ATP7B: variants seen among roughly 807,000 people sequenced by gnomAD.
The protein encoded by ATP7B is ATPase copper transporting beta.
Under a neutral mutation model 118.9 loss-of-function variants are expected in ATP7B, and 113 were observed. The ratio of observed to expected loss-of-function variants is 0.95; its 90% CI spans 0.82 to 1.11. ATP7B has a LOEUF of 1.11. Among genes scored for constraint, ATP7B ranks in the 50% most tolerant of loss-of-function variants. ATP7B has a pLI of 0.00. For synonymous variants in ATP7B, 777 were observed against 727.4 expected (o/e 1.07, Z -1.10); for missense variants, 1,867 against 1,871.4 (o/e 1.00, Z 0.04).
chr13:51,944,023 C>T (rs1957499493), intron 14 of ATP7B, 86 bp downstream of exon 14: 1 of 1,562,620 alleles, frequency 6.4e-7, no homozygotes, highest in Non-Finnish European at 8.7e-7. Context: ...AGAGAAGGCT[C>T]CTCGAGGGCA....
At position 51,958,377 on chromosome 13, in the gene ATP7B, G is replaced by C; in HGVS notation, c.2289C>G (p.Phe763Leu). The C allele has an allele frequency of 6.2e-7, 1 of 1,614,212 alleles. No homozygotes were observed. Residue 763 changes from phenylalanine to leucine, a missense_variant, in exon 8 of 21, where the codon TTC becomes TTG. Physicochemically the swap from Phe to Leu is conservative, Grantham distance 22. Transcript: ENST00000242839. ...CAAAGAGCATGGGGGGCGTGTCGAAGAATGTCACAGGGCTCCTCTCCGCCT... is the reference window on the plus strand; with the variant it reads ...CAAAGAGCATGGGGGGCGTGTCGAACAATGTCACAGGGCTCCTCTCCGCCT... ...AEKAERSPVTFFDTPPMLFVF... is the reference protein window; with the variant it reads ...AEKAERSPVTLFDTPPMLFVF...
intron 1 of ATP7B, among the ~76,000 whole-genome samples, chr13:52,007,747 A>T (rs544149463): frequency 1.3e-5 from 2 of 152,318 alleles, no homozygotes; most frequent in East Asian, 3.9e-4. Flanking sequence ...CTCCTGACCA[A>T]CTGTAAAGTC....
chr13:51,958,695 AT>A, intron 7 of ATP7B, 151 bp from the exon 8 acceptor site: 1 of 717,606 alleles, frequency 1.4e-6, no homozygotes, highest in Non-Finnish European at 2.5e-6. Context: ...TTTATGAAAT[AT>A]ACTTTCCCAT....
intron 1 of ATP7B, among the ~76,000 whole-genome samples, chr13:51,984,476 G>A (rs1169406999): frequency 6.6e-6 from 1 of 152,198 alleles, no homozygotes; most frequent in Non-Finnish European, 1.5e-5. Flanking sequence ...ATGGAACCAA[G>A]TTGGAAAACA....
Position 51,957,546 on chromosome 13 carries a change from A to T in ATP7B, c.2417T>A (p.Val806Glu). 6.2e-7 allele frequency: 1 copy of T among 1,614,220 alleles called. No homozygotes were observed. Among genetic ancestry groups the T allele is most frequent in the Admixed American group, 1.7e-5 (1 of 60,028 alleles). ...GATTAAATTGTCCTCACCAAGGGTC[A>T]CAACGGTGGCTTCTGTGGCTTGGAG... ...MSLQATEATV[V>E]TLGEDNLIIR... Residue 806 changes from valine to glutamate, a missense_variant, in exon 9 of 21, where the codon GTG (valine) becomes GAG (glutamate). Physicochemically the swap from Val to Glu is moderately radical, Grantham distance 121 (BLOSUM62 -2). Transcript: ENST00000242839.
At chr13:51,989,646 T>C (rs1158037712) in intron 1 of ATP7B, among the ~76,000 whole-genome samples, 1 of 152,186 alleles carries the variant, frequency 6.6e-6, no homozygotes, top group African/African-American at 2.4e-5. Flanking sequence ...ATTCACAAAC[T>C]ATAAGACAGG....
intron 1 of ATP7B, among the ~76,000 whole-genome samples, chr13:52,003,724 T>C (rs1322097034): frequency 2.6e-5 from 4 of 152,152 alleles, no homozygotes; most frequent in Non-Finnish European, 5.9e-5. Flanking sequence ...GAACAGGCCA[T>C]GCGGGGCTTG....
intron 20 of ATP7B, 94 bp from the exon 21 acceptor site, chr13:51,935,123 A>C (rs893274332): frequency 2.0e-6 from 3 of 1,493,696 alleles, no homozygotes; most frequent in Admixed American, 3.8e-5. Flanking sequence ...CCATCTTTTA[A>C]TAACATTCAG....
At chr13:51,962,277 T>C (rs1958801869) in intron 5 of ATP7B, among the ~76,000 whole-genome samples, 1 of 152,180 alleles carries the variant, frequency 6.6e-6, no homozygotes. Context: ...AGCCCCACCC[T>C]TCTCAGAAGA....
At chr13:51,962,821 G>A (rs1365800383) in intron 5 of ATP7B, among the ~76,000 whole-genome samples, 1 of 152,192 alleles carries the variant, frequency 6.6e-6, no homozygotes, top group African/African-American at 2.4e-5. Context: ...GCTGGGCACA[G>A]TGGCTCACAC....
At chr13:51,973,273 T>C (rs188106487) in intron 2 of ATP7B, among the ~76,000 whole-genome samples, 1 of 152,248 alleles carries the variant, frequency 6.6e-6, no homozygotes, top group African/African-American at 2.4e-5. Context: ...GGATACAGAA[T>C]CAGAATTCTC....
At chr13:51,938,645 A>T (rs1957120092) in intron 17 of ATP7B, among the ~76,000 whole-genome samples, 5 of 152,230 alleles carry the variant, frequency 3.3e-5, no homozygotes, top group Admixed American at 3.3e-4. Flanking sequence ...ACTCAGCATC[A>T]GGGGCTGCTG....
chr13:51,959,616 CAT>C (rs574506508), intron 7 of ATP7B: 282 of 164,198 alleles, frequency 1.7e-3, no homozygotes, highest in African/African-American at 6.4e-3. Context: ...AAAATATACA[CAT>C]AGAGGGCACA....
intron 1 of ATP7B, among the ~76,000 whole-genome samples, chr13:52,008,047 T>TA (rs35022438): frequency 7.6e-4 from 109 of 144,150 alleles, no homozygotes; most frequent in Admixed American, 1.7e-3. Flanking sequence ...CTGCATTGGT[T>TA]AAAAAAAAAA....
At chr13:51,973,343 T>C (rs1399302645) in intron 2 of ATP7B, among the ~76,000 whole-genome samples, 1 of 152,230 alleles carries the variant, frequency 6.6e-6, no homozygotes, top group Admixed American at 6.5e-5. Flanking sequence ...GGTTTGACTG[T>C]GTCCCCCAAA....
chr13:52,005,414 A>G (rs1250681214), intron 1 of ATP7B, among the ~76,000 whole-genome samples: 1 of 152,156 alleles, frequency 6.6e-6, no homozygotes, highest in African/African-American at 2.4e-5. Context: ...TCCTCCACAA[A>G]GCATTAGGGC....
intron 1 of ATP7B, among the ~76,000 whole-genome samples, chr13:51,980,951 G>A (rs1019224464): frequency 2.6e-5 from 4 of 152,054 alleles, no homozygotes; most frequent in African/African-American, 7.3e-5. Flanking sequence ...AAAAAAGTCC[G>A]GATTCTTTCA....
At chr13:51,961,784 T>G in intron 6 of ATP7B, 53 bp downstream of exon 6, 3 of 1,555,594 alleles carry the variant, frequency 1.9e-6, no homozygotes, top group Non-Finnish European at 1.8e-6. Flanking sequence ...TGGGCCCAGG[T>G]AGAGGAAGGG....
chr13:51,979,789 C>A (rs544950323), intron 1 of ATP7B, among the ~76,000 whole-genome samples: 2 of 152,274 alleles, frequency 1.3e-5, no homozygotes, highest in African/African-American at 4.8e-5. Flanking sequence ...ATAACAGCAG[C>A]CCTTAATTTC....
Sources: gnomAD v4.1 joint callset for allele counts (sites outside exome capture counted in the v4.1 genomes callset) on GRCh38, gnomAD v4.1.1 for gene constraint, MANE v1.5 for transcripts, NCBI Gene and HGNC (gene_info 2026-07-23, HGNC 2026-07-21) for gene names.